The following MYH9 variants were observed in gnomAD, a reference collection of about 807,000 sequenced individuals.
MYH9 encodes myosin-9.
In MYH9, 29 loss-of-function variants were observed where a neutral mutation model predicts 241.9. The ratio of observed to expected loss-of-function variants is 0.12; its 90% confidence interval spans 0.09 to 0.16. The LOEUF is 0.16. MYH9 is among the 10% of genes least tolerant of loss of function. The pLI, the probability that MYH9 is intolerant of heterozygous loss-of-function variation, is 1.00. For synonymous variants in MYH9, 1,047 were observed against 1,062.6 expected (o/e 0.99, Z 0.29); for missense variants, 1,803 against 2,595.5 (o/e 0.69, Z 6.63).
At chr22:36,302,329 A>C (rs2016891893) in intron 20 of MYH9, 3 of 464,604 alleles carry the variant, frequency 6.5e-6, no homozygotes. Flanking sequence ...AGCCTGGGCA[A>C]GATAGTGAGA....
intron 24 of MYH9, among the ~76,000 whole-genome samples, chr22:36,298,124 G>A (rs900905913): frequency 1.1e-4 from 17 of 152,184 alleles, no homozygotes; most frequent in Admixed American, 8.5e-4. Flanking sequence ...ATCCCCTGCA[G>A]ATGTGAGGGG....
In MYH9 at chr22:36,329,755, G is replaced by C. The variant is rs2017393222; in HGVS notation, c.491-2267C>G. Among the ~76,000 whole-genome samples the C allele has an allele frequency of 6.6e-6, 1 of 152,192 alleles. No individual in the cohort carries two copies. The highest frequency in any genetic ancestry group is 1.5e-5 in the Non-Finnish European group (1 of 68,022). On this transcript the variant is annotated intron_variant, in intron 3 of 40. Transcript: ENST00000216181. This position sits in a 1 kb window ranked among gnomAD's most constrained non-coding sequence, Gnocchi z 4.1. Reference sequence around the variant, plus strand: ...AAGCAGAGCCCCCAAACACACTCGAGGGCATGCACACAGAGGCGCACGCAC... The same window carrying C: ...AAGCAGAGCCCCCAAACACACTCGACGGCATGCACACAGAGGCGCACGCAC...
In MYH9 at chr22:36,330,680, C is replaced by G. The variant is rs535381709; in HGVS notation, c.491-3192G>C. 6.6e-6 allele frequency among the ~76,000 whole-genome samples: 1 copy of G among 152,244 alleles called. No homozygotes were observed. Among genetic ancestry groups the G allele is most frequent in the African/African-American group, 2.4e-5 (1 of 41,532 alleles). ...CTGCCATTGGCGCCCACCCCATCAA[C>G]CCTTCCCCGCACTGTCATCTCACAG... On this transcript the variant is annotated intron_variant, in intron 3 of 40. Transcript: ENST00000216181. This position sits in a 1 kb window ranked among gnomAD's most constrained non-coding sequence, Gnocchi z 4.5.
intron 3 of MYH9, among the ~76,000 whole-genome samples, chr22:36,336,813 T>C (rs1046538023): frequency 2.0e-5 from 3 of 152,216 alleles, no homozygotes; most frequent in African/African-American, 7.2e-5. Context: ...AGGCACCAAA[T>C]GTCTTGTTTT....
rs762280347 is a variant in MYH9 at position 36,288,358 on chromosome 22, A to G, written c.4826T>C (p.Val1609Ala). ...EDERKQRSMA[V>A]AARKKLEMDL... ...CATCTCCAGCTTCTTCCGGGCGGCC[A>G]CTGCCATCGAGCGCTGCTTCCTCTC... is the stretch of plus-strand genomic sequence containing the variant. Residue 1609 changes from valine (V) to alanine (A), a missense_variant, in exon 34 of 41, where the codon GTG (valine) becomes GCG (alanine). This residue lies in a region of MYH9 where 876 missense variants were observed against 1,077.8 expected (regional missense o/e 0.81). Coordinates refer to ENST00000216181, the MANE Select transcript of MYH9 (RefSeq NM_002473.6). This position sits in a 1 kb window ranked among gnomAD's most constrained non-coding sequence, Gnocchi z 4.8. 1.9e-6 allele frequency: 3 copies of G among 1,613,814 alleles called. No individual in the cohort carries two copies. The highest frequency in any genetic ancestry group is 2.5e-6 in the Non-Finnish European group (3 of 1,180,022).
At chr22:36,289,059 A>G (rs935312637) in intron 32 of MYH9, 26 bp downstream of exon 32, 3 of 1,613,624 alleles carry the variant, frequency 1.9e-6, no homozygotes. Flanking sequence ...CCTTCCCAAG[A>G]CCTGGCTGCC....
intron 13 of MYH9, 141 bp from the exon 14 acceptor site, chr22:36,312,363 T>C (rs1217353372): frequency 1.3e-6 from 1 of 798,608 alleles, no homozygotes; most frequent in Non-Finnish European, 2.0e-6. Context: ...AGCAAAGCAC[T>C]GTTGAAGATT....
intron 19 of MYH9, 132 bp from the exon 20 acceptor site, chr22:36,302,808 G>A (rs2016902841): frequency 1.4e-6 from 1 of 739,956 alleles, no homozygotes; most frequent in African/African-American, 1.7e-5. Context: ...ATTCAGGGAA[G>A]GGGTCTGGCC....
At chr22:36,284,597 C>A (rs1469135673) in intron 38 of MYH9, 86 bp from the exon 39 acceptor site, 5 of 1,303,696 alleles carry the variant, frequency 3.8e-6, no homozygotes, top group Non-Finnish European at 5.4e-6. Flanking sequence ...ACCCATTCCC[C>A]GGGGCTCACT....
At chr22:36,364,930 T>C (rs1181503627) in intron 1 of MYH9, 1 of 152,170 alleles carries the variant, frequency 6.6e-6, no homozygotes, top group East Asian at 1.9e-4. Context: ...ATGGAGCTGA[T>C]CCCAGCTACC....
chr22:36,296,950 T>C lies in MYH9; in HGVS notation c.3165A>G (p.Gly1055=), dbSNP rs2016798102. The C allele has an allele frequency of 6.2e-7, 1 of 1,614,126 alleles. No individual in the cohort carries two copies. Among genetic ancestry groups the C allele is most frequent in the East Asian group, 2.2e-5 (1 of 44,884 alleles). Residue 1055 remains glycine (G), a synonymous_variant, in exon 25 of 41, where the codon GGA becomes GGG. Transcript: ENST00000216181. ...ELEKTRRKLE[G]DSTDLSDQIA... is the part of the protein sequence containing the mutation. ...TCTGGTCGCTGAGGTCTGTGGAGTC[T>C]CCCTCCAGCTTCCGGCGGGTCTTCT...
At chr22:36,326,765 C>A in intron 4 of MYH9, 104 bp from the exon 5 acceptor site, 2 of 963,112 alleles carry the variant, frequency 2.1e-6, no homozygotes, top group East Asian at 2.4e-5. Context: ...GTTGGGTGCC[C>A]GTGAAGGACC....
intron 15 of MYH9, among the ~76,000 whole-genome samples, 158 bp downstream of exon 15, chr22:36,309,124 G>A (rs543636072): frequency 6.6e-6 from 1 of 152,328 alleles, no homozygotes; most frequent in South Asian, 2.1e-4. Flanking sequence ...TCGGTCCGAG[G>A]AGCCCTCTCT....
rs1034215735 is a variant in MYH9 at position 36,329,965 on chromosome 22, C to T, written c.491-2477G>A. On this transcript the variant is annotated intron_variant, in intron 3 of 40. Transcript: ENST00000216181. This position sits in a 1 kb window ranked among gnomAD's most constrained non-coding sequence, Gnocchi z 4.1. ...GCATTCACAGATGCATATCCACAAG[C>T]ACAAGTGCAAACACAGGCACGCAAG... 2.0e-5 allele frequency among the ~76,000 whole-genome samples: 3 copies of T among 152,250 alleles called. No homozygotes were observed. Among genetic ancestry groups the T allele is most frequent in the Admixed American group, 6.5e-5 (1 of 15,286 alleles).
chr22:36,340,426 C>T (rs1413442547), intron 3 of MYH9, among the ~76,000 whole-genome samples: 2 of 151,544 alleles, frequency 1.3e-5, no homozygotes, highest in East Asian at 1.9e-4. Flanking sequence ...TTTGGGAGGC[C>T]GAGGTGGGTG....
chr22:36,319,798 C>T (rs921773177), intron 9 of MYH9, 163 bp from the exon 10 acceptor site: 18 of 745,882 alleles, frequency 2.4e-5, no homozygotes, highest in Admixed American at 4.1e-5. Flanking sequence ...TAACGGTGTG[C>T]GGTGGGCCCA....
intron 14 of MYH9, among the ~76,000 whole-genome samples, chr22:36,311,155 G>C (rs2157254): frequency 0.53 from 80,130 of 152,064 alleles, 23,773 homozygotes; most frequent in Non-Finnish European, 0.68. Context: ...TTAACTGTTA[G>C]GGTCTTTGTG....
At chr22:36,314,491 T>C (rs1439460627) in intron 12 of MYH9, among the ~76,000 whole-genome samples, 173 bp from the exon 13 acceptor site, 3 of 152,182 alleles carry the variant, frequency 2.0e-5, no homozygotes, top group Non-Finnish European at 4.4e-5. Flanking sequence ...CACCCAGCAG[T>C]GGGCAACATT....
Position 36,320,280 on chromosome 22 carries a change from T to G in MYH9, c.952A>C (p.Met318Leu), listed in dbSNP as rs758951998. Reference sequence around the variant, plus strand: ...ATGGCCTCCATGGTCTCCTGGAACATGTCCTTGTCCTGCTGCCCGGGGATG... The same window carrying G: ...ATGGCCTCCATGGTCTCCTGGAACAGGTCCTTGTCCTGCTGCCCGGGGATG... ...VTIPGQQDKDMFQETMEAMRI... is the reference protein window; with the variant it reads ...VTIPGQQDKDLFQETMEAMRI... The change falls in exon 9 of 41, where the codon ATG becomes CTG. Residue 318 changes from methionine (M) to leucine (L), a missense_variant. By Grantham distance (15) the Met-to-Leu change is conservative. Around this residue, in one of 11 missense-constraint regions of MYH9, gnomAD observed 222 missense variants for 359.9 expected, o/e 0.62. Transcript: ENST00000216181. This position sits in a 1 kb window ranked among gnomAD's most constrained non-coding sequence, Gnocchi z 4.8. The G allele has an allele frequency of 1.2e-6, 2 of 1,614,228 alleles. No individual in the cohort carries two copies. The highest frequency in any genetic ancestry group is 3.3e-5 in the Admixed American group (2 of 60,036).
Sources: allele counts gnomAD v4.1 joint callset (sites outside exome capture counted in the v4.1 genomes callset), GRCh38; gene constraint gnomAD v4.1.1; regional missense constraint gnomAD v4.1.1; non-coding constraint Gnocchi (gnomAD v3.1); transcripts MANE v1.5; gene names NCBI Gene and HGNC (gene_info 2026-07-23, HGNC 2026-07-21).